Variants in MYH10 observed in about 807,000 individuals in gnomAD.
MYH10 encodes the protein myosin-10.
A neutral mutation model predicts 257.8 loss-of-function variants in MYH10; 55 were observed. The ratio of observed to expected loss-of-function variants is 0.21; its 90% CI spans 0.17 to 0.27. The LOEUF (loss-of-function observed/expected upper bound fraction) is 0.27, where lower values mean the gene tolerates loss of function less well. Among genes scored for constraint, MYH10 ranks in the 10% least tolerant of loss-of-function variants. MYH10 has a pLI of 1.00. For synonymous variants in MYH10, 854 were observed against 921.7 expected (o/e 0.93, Z 1.33); for missense variants, 1,631 against 2,500.6 (o/e 0.65, Z 7.42).
At chr17:8,575,417 A>C (rs865812775) in intron 6 of MYH10, among the ~76,000 whole-genome samples, 1 of 152,190 alleles carries the variant, frequency 6.6e-6, no homozygotes, top group Admixed American at 6.5e-5. Context: ...TCTGGTCCAG[A>C]TTTTCCTTCT....
chr17:8,476,388 C>T (rs1053405243), intron 42 of MYH10, among the ~76,000 whole-genome samples: 16 of 152,226 alleles, frequency 1.1e-4, no homozygotes, highest in Admixed American at 1.3e-4. Flanking sequence ...TGCACCAAAT[C>T]TGCCCATTGG....
intron 2 of MYH10, among the ~76,000 whole-genome samples, chr17:8,616,503 TGAATA>T (rs2085267984): frequency 6.6e-6 from 1 of 152,050 alleles, no homozygotes; most frequent in African/African-American, 2.4e-5. Flanking sequence ...ATATACCATA[TGAATA>T]ATAAGGGAAA....
chr17:8,584,119 C>G lies in MYH10; in HGVS notation c.530+4962G>C, dbSNP rs191675551. Among the ~76,000 whole-genome samples the G allele has an allele frequency of 4.6e-5, 7 of 152,234 alleles. No homozygotes were observed. The East Asian group carries it at 1.4e-3, about 29-fold the overall frequency. ...GAGAGGATGCATGCAGCCTGAGTGTCTTCACCACACACGAGAATACTAGGA... is the reference window on the plus strand; with the variant it reads ...GAGAGGATGCATGCAGCCTGAGTGTGTTCACCACACACGAGAATACTAGGA... On this transcript the variant is annotated intron_variant, in intron 4 of 42. Transcript: ENST00000360416.
rs769074371 is a variant in MYH10, at chr17:8,552,187, TTAAATAAATAAAGGCCCTCTTTCAGCGTC to T, written c.821-72_821-44del. On this transcript the variant is annotated intron_variant, in intron 8 of 42. Coordinates refer to ENST00000360416, the MANE Select transcript of MYH10 (RefSeq NM_001256012.3). This position sits in a 1 kb window ranked among gnomAD's most constrained non-coding sequence, Gnocchi z 4.8. The stretch of plus-strand genomic sequence containing the variant: ...AGAATTAAATTATTTAATATAATTC[TTAAATAAATAAAGGCCCTCTTTCAGCGTC>T]TGTAAATTTAAATCATAAAACATCT... 7.1e-5 allele frequency: 76 copies of T among 1,073,904 alleles called. No individual in the cohort carries two copies. In the East Asian group the frequency reaches 2.1e-3, roughly 30 times the overall value. The allele number at this position is 1,073,904 out of a possible 1,614,324, so 66.5% of individuals were successfully genotyped here. A position where few individuals can be genotyped will look rare whatever the true frequency, so the allele number is the denominator to read the frequency against.
At chr17:8,516,923 G>A (rs1233205302) in intron 21 of MYH10, among the ~76,000 whole-genome samples, 1 of 152,154 alleles carries the variant, frequency 6.6e-6, no homozygotes, top group African/African-American at 2.4e-5. Context: ...TGGATCACAA[G>A]GTCAGGAGAT....
chr17:8,578,243 CTTTT>C (rs5819199), intron 4 of MYH10, among the ~76,000 whole-genome samples: 1 of 129,216 alleles, frequency 7.7e-6, no homozygotes, highest in East Asian at 2.2e-4. Context: ...TTCTTTCTTT[CTTTT>C]TTTTTTTTTT....
Position 8,552,659 on chromosome 17 carries a change from C to A in MYH10, c.821-515G>T, listed in dbSNP as rs1468774233. ...GACTCCAAAATGCATGATGAGAGTG[C>A]CCACAATGCTACCCTATTGAAAGCC... On this transcript the variant is annotated intron_variant, in intron 8 of 42. Coordinates refer to ENST00000360416, the MANE Select transcript of MYH10 (RefSeq NM_001256012.3). The surrounding 1 kb of genome is among the most constrained non-coding windows in gnomAD (Gnocchi z 4.8). 6.6e-6 allele frequency among the ~76,000 whole-genome samples: 1 copy of A among 152,172 alleles called. No homozygotes were observed. Among genetic ancestry groups the A allele is most frequent in the Non-Finnish European group, 1.5e-5 (1 of 68,026 alleles).
chr17:8,610,271 C>CAAAAAAAAAAAAAAAAAA lies in MYH10; in HGVS notation c.346-5307_346-5290dup, dbSNP rs71361810. Among the ~76,000 whole-genome samples, 86 of 45,982 alleles carry CAAAAAAAAAAAAAAAAAA rather than the reference C, an allele frequency of 1.9e-3. 20 individuals carry two copies. Among genetic ancestry groups the CAAAAAAAAAAAAAAAAAA allele is most frequent in the South Asian group, 5.8e-3 (4 of 692 alleles). 30.2% of individuals were successfully genotyped at this position (45,982 alleles called of 152,430 possible). On this transcript the variant is annotated intron_variant, in intron 2 of 42. Transcript: ENST00000360416. ...GTTTATAGGGAGCACCATAGGATTGCAAAAAAAAAAAAAAAAAAAAAGGGT... is the reference window on the plus strand; with the variant it reads ...GTTTATAGGGAGCACCATAGGATTGCAAAAAAAAAAAAAAAAAAAAAAAAAAAAAAAAAAAAAAAGGGT...
intron 34 of MYH10, among the ~76,000 whole-genome samples, chr17:8,491,132 A>T (rs1915699865): frequency 1.3e-5 from 2 of 150,782 alleles, no homozygotes; most frequent in Admixed American, 1.3e-4. Context: ...TTTGACCCTC[A>T]CAGCAGCCTT....
At chr17:8,624,975 G>A (rs1424476292) in intron 1 of MYH10, among the ~76,000 whole-genome samples, 1 of 152,166 alleles carries the variant, frequency 6.6e-6, no homozygotes, top group Admixed American at 6.5e-5. Flanking sequence ...CCAGCTGGGT[G>A]CAGTAGCTCA....
At chr17:8,511,559 A>T (rs1230469019) in intron 24 of MYH10, among the ~76,000 whole-genome samples, 1 of 152,186 alleles carries the variant, frequency 6.6e-6, no homozygotes, top group Non-Finnish European at 1.5e-5. Flanking sequence ...ACAAACCCCA[A>T]AAAACCAAAA....
In MYH10 at chr17:8,504,577, C is replaced by T. The variant is rs555935196; in HGVS notation, c.3599+117G>A. Reference sequence around the variant, plus strand: ...TACCATTTAATCACCGTTCCACCTGCCATCACAAGGAAAAGCACACCACCT... The same window carrying T: ...TACCATTTAATCACCGTTCCACCTGTCATCACAAGGAAAAGCACACCACCT... On this transcript the variant is annotated intron_variant, in intron 28 of 42. Coordinates refer to ENST00000360416, the MANE Select transcript of MYH10 (RefSeq NM_001256012.3). This position sits in a 1 kb window ranked among gnomAD's most constrained non-coding sequence, Gnocchi z 5.6. 7 of 833,448 alleles carry T rather than the reference C, an allele frequency of 8.4e-6. No individual in the cohort carries two copies. Among genetic ancestry groups the T allele is most frequent in the Admixed American group, 7.4e-5 (3 of 40,560 alleles). The allele number at this position is 833,448 out of a possible 1,614,324, so 51.6% of individuals were successfully genotyped here.
chr17:8,544,465 A>ATTTG (rs2082384315), intron 13 of MYH10, among the ~76,000 whole-genome samples: 1 of 152,134 alleles, frequency 6.6e-6, no homozygotes, highest in African/African-American at 2.4e-5. Flanking sequence ...TTTTAATGCA[A>ATTTG]TTTGTACCCA....
chr17:8,627,474 C>T (rs762606472), intron 1 of MYH10, among the ~76,000 whole-genome samples: 5 of 152,188 alleles, frequency 3.3e-5, no homozygotes, highest in African/African-American at 1.2e-4. Context: ...CTTCTCCTAA[C>T]ATTTTGTACT....
intron 42 of MYH10, among the ~76,000 whole-genome samples, 187 bp downstream of exon 42, chr17:8,476,689 G>T (rs1171731401): frequency 6.6e-6 from 1 of 152,122 alleles, no homozygotes; most frequent in Non-Finnish European, 1.5e-5. Flanking sequence ...AATGAATAGG[G>T]CCGCCTCCTC....
chr17:8,500,193 G>T (rs928516570), intron 29 of MYH10, among the ~76,000 whole-genome samples: 4 of 152,186 alleles, frequency 2.6e-5, no homozygotes, highest in African/African-American at 7.2e-5. Context: ...GCTAGGCAAA[G>T]AACAGAAAGA....
chr17:8,513,118 GGGAC>G (rs1347102212), intron 23 of MYH10, among the ~76,000 whole-genome samples: 1 of 152,152 alleles, frequency 6.6e-6, no homozygotes, highest in Non-Finnish European at 1.5e-5. Context: ...TCCCAGAAGA[GGGAC>G]ACACATTCAA....
At chr17:8,500,738 A>G in intron 29 of MYH10, 88 bp downstream of exon 29, 3 of 1,486,316 alleles carry the variant, frequency 2.0e-6, no homozygotes, top group South Asian at 1.3e-5. Flanking sequence ...TAATCAATAC[A>G]TGACTGAACA....
intron 8 of MYH10, among the ~76,000 whole-genome samples, chr17:8,553,364 C>G (rs755968507): frequency 3.3e-5 from 5 of 152,208 alleles, no homozygotes; most frequent in Non-Finnish European, 7.3e-5. Flanking sequence ...AAACTGTCAT[C>G]TATCTTTCTA....
Sources: gnomAD v4.1 joint callset for allele counts (sites outside exome capture counted in the v4.1 genomes callset) on GRCh38, gnomAD v4.1.1 for gene constraint, Gnocchi (gnomAD v3.1) non-coding constraint, MANE v1.5 for transcripts, NCBI Gene and HGNC (gene_info 2026-07-23, HGNC 2026-07-21) for gene names.